DNAI4: variants seen among roughly 807,000 people sequenced by gnomAD.
DNAI4 encodes the protein WD repeat domain 78.
Under a neutral mutation model 105.8 loss-of-function variants are expected in DNAI4, and 85 were observed. The ratio of observed to expected loss-of-function variants is 0.80; its 90% CI spans 0.67 to 0.96. The LOEUF (loss-of-function observed/expected upper bound fraction) is 0.96. Among genes scored for constraint, DNAI4 ranks in the 40% least tolerant of loss-of-function variants. The probability of loss-of-function intolerance (pLI) is 0.00; values close to 1 mark genes in which losing one functional copy is unlikely to be tolerated. For missense variants in DNAI4, 1,014 were observed against 1,005.6 expected (o/e 1.01, Z -0.11); for synonymous variants, 352 against 331.5 (o/e 1.06, Z -0.67).
At chr1:66,820,947 G>GTTTTCC (rs1248852217) in intron 16 of DNAI4, among the ~76,000 whole-genome samples, 3 of 151,822 alleles carry the variant, frequency 2.0e-5, no homozygotes, top group Non-Finnish European at 4.4e-5. Context: ...ATGTTGTTCT[G>GTTTTCC]TTTTCCTTTT....
chr1:66,823,854 T>A (rs984670098), intron 15 of DNAI4, among the ~76,000 whole-genome samples: 1 of 151,222 alleles, frequency 6.6e-6, no homozygotes, highest in African/African-American at 2.4e-5. Flanking sequence ...TCCCATTTTG[T>A]AGGTTGTCTG....
At chr1:66,858,532 C>CAAAAAAAAAAAAAAAAAAAAAAA (rs3033717) in intron 7 of DNAI4, among the ~76,000 whole-genome samples, 1 of 63,604 alleles carries the variant, frequency 1.6e-5, no homozygotes, top group Non-Finnish European at 3.1e-5. Flanking sequence ...GACTCCGTCT[C>CAAAAAAAAAAAAAAAAAAAAAAA]AAAAAAAAAA....
intron 1 of DNAI4, chr1:66,918,935 G>T: frequency 4.1e-6 from 1 of 243,128 alleles, no homozygotes; most frequent in Non-Finnish European, 8.8e-6. Context: ...TCTGCTCACT[G>T]ATATAGATGC....
At chr1:66,844,975 C>A (rs1267138966) in intron 8 of DNAI4, among the ~76,000 whole-genome samples, 2 of 151,946 alleles carry the variant, frequency 1.3e-5, no homozygotes, top group Non-Finnish European at 2.9e-5. Flanking sequence ...GGGCGGATCA[C>A]CTGAGGTCAA....
At chr1:66,892,516 T>A (rs1037218329) in intron 3 of DNAI4, among the ~76,000 whole-genome samples, 3 of 152,178 alleles carry the variant, frequency 2.0e-5, no homozygotes, top group African/African-American at 7.2e-5. Flanking sequence ...ATATATATAT[T>A]TTTCACAAAT....
chr1:66,850,342 A>G (rs1017435382), intron 7 of DNAI4, among the ~76,000 whole-genome samples: 1 of 152,022 alleles, frequency 6.6e-6, no homozygotes, highest in Non-Finnish European at 1.5e-5. Flanking sequence ...TATGGGAATA[A>G]TTCTATACCC....
At chr1:66,816,308 C>T (rs976051018) in intron 16 of DNAI4, among the ~76,000 whole-genome samples, 1 of 151,980 alleles carries the variant, frequency 6.6e-6, no homozygotes, top group African/African-American at 2.4e-5. Flanking sequence ...CCGGGGGCAG[C>T]CTTTATCATA....
intron 3 of DNAI4, 139 bp downstream of exon 3, chr1:66,893,090 A>C (rs1647956780): frequency 2.4e-6 from 1 of 417,770 alleles, no homozygotes; most frequent in Non-Finnish European, 4.1e-6. Context: ...AGAAAGAAAG[A>C]AAGAAAGAAA....
At chr1:66,912,582 C>A (rs547044978) in intron 1 of DNAI4, among the ~76,000 whole-genome samples, 1 of 152,138 alleles carries the variant, frequency 6.6e-6, no homozygotes, top group Non-Finnish European at 1.5e-5. Context: ...AACCAATGTA[C>A]TTCTTACATA....
At chr1:66,859,864 A>C (rs1646587266) in intron 7 of DNAI4, among the ~76,000 whole-genome samples, 2 of 152,124 alleles carry the variant, frequency 1.3e-5, no homozygotes, top group South Asian at 4.1e-4. Context: ...GAAACTATTA[A>C]TTTTTTGCTG....
intron 16 of DNAI4, among the ~76,000 whole-genome samples, chr1:66,814,863 C>T (rs954093824): frequency 8.5e-5 from 13 of 152,060 alleles, no homozygotes; most frequent in Admixed American, 8.5e-4. Context: ...TTCTCAATTT[C>T]CATGTGGGTT....
intron 11 of DNAI4, among the ~76,000 whole-genome samples, chr1:66,835,055 A>G (rs1202296737): frequency 6.6e-6 from 1 of 152,192 alleles, no homozygotes; most frequent in Non-Finnish European, 1.5e-5. Flanking sequence ...CTTTCCTCAT[A>G]TGACTCATTT....
intron 10 of DNAI4, 103 bp downstream of exon 10, chr1:66,837,607 T>C (rs1646055036): frequency 4.6e-6 from 6 of 1,293,824 alleles, no homozygotes; most frequent in African/African-American, 4.5e-5. Flanking sequence ...TCTTGATTGA[T>C]AAAATTTTCT....
At chr1:66,881,939 G>A (rs1647080638) in intron 4 of DNAI4, among the ~76,000 whole-genome samples, 1 of 152,166 alleles carries the variant, frequency 6.6e-6, no homozygotes, top group Non-Finnish European at 1.5e-5. Flanking sequence ...TCTTGTAATA[G>A]TGAATGCGTC....
At chr1:66,918,997 A>T (rs1467781891) in intron 1 of DNAI4, 30 of 359,940 alleles carry the variant, frequency 8.3e-5, no homozygotes, top group Non-Finnish European at 3.4e-5. Flanking sequence ...AAAAGAATGC[A>T]ACCATTTGTC....
chr1:66,889,971 A>G (rs1225407330), intron 4 of DNAI4, among the ~76,000 whole-genome samples: 4 of 152,110 alleles, frequency 2.6e-5, no homozygotes. Context: ...CGTTCCACAT[A>G]TGTTATTATG....
In DNAI4 at chr1:66,871,449, A is replaced by C; in HGVS notation, c.861T>G (p.Val287=). 1 of 1,611,994 alleles carries C rather than the reference A, an allele frequency of 6.2e-7. No individual in the cohort carries two copies. Among genetic ancestry groups the C allele is most frequent in the Non-Finnish European group, 8.5e-7 (1 of 1,178,856 alleles). ...CATTGAAAGTCTGCATCATCCTTTCAACATATAGGTCATTGCCTAATCTGT... is the reference window on the plus strand; with the variant it reads ...CATTGAAAGTCTGCATCATCCTTTCCACATATAGGTCATTGCCTAATCTGT... ...CRNRLGNDLY[V]ERMMQTFNGA... Residue 287 remains valine (V), a synonymous_variant, in exon 6 of 17, where the codon GTT becomes GTG. Coordinates refer to ENST00000371026, the MANE Select transcript of DNAI4 (RefSeq NM_024763.5).
At chr1:66,834,699 A>G (rs1358361408) in intron 11 of DNAI4, among the ~76,000 whole-genome samples, 1 of 152,106 alleles carries the variant, frequency 6.6e-6, no homozygotes, top group Non-Finnish European at 1.5e-5. Context: ...TTCTCAGATT[A>G]CTGACTCTTT....
chr1:66,862,675 C>T (rs1022805153), intron 6 of DNAI4, among the ~76,000 whole-genome samples: 12 of 152,194 alleles, frequency 7.9e-5, no homozygotes, highest in East Asian at 1.9e-4. Context: ...ATGAGGATAC[C>T]TCAAGAGATC....
Sources: gnomAD v4.1 joint callset for allele counts (sites outside exome capture counted in the v4.1 genomes callset) on GRCh38, gnomAD v4.1.1 for gene constraint, MANE v1.5 for transcripts, NCBI Gene and HGNC (gene_info 2026-07-23, HGNC 2026-07-21) for gene names.